KIAA1671: variants seen among roughly 807,000 people sequenced by gnomAD.
KIAA1671 encodes KIAA1671, also known as uncharacterized protein KIAA1671.
A neutral mutation model predicts 131.2 loss-of-function variants in KIAA1671; 52 were observed. That is an observed-to-expected ratio of 0.40 (90% CI 0.32 to 0.50). The LOEUF (loss-of-function observed/expected upper bound fraction) is 0.50, where lower values mean the gene tolerates loss of function less well. KIAA1671 is among the 20% of genes least tolerant of loss of function. The pLI, the probability that KIAA1671 is intolerant of heterozygous loss-of-function variation, is 0.73. For synonymous variants in KIAA1671, 1,003 were observed against 961.6 expected (o/e 1.04, Z -0.80); for missense variants, 2,360 against 2,364.2 (o/e 1.00, Z 0.04).
rs1404478334 is a variant in KIAA1671 at position 25,000,208 on chromosome 22, T to TAAA, written c.-207-25425_-207-25424insAAA. ...TGTTTTTTTTTTTTTTTTTTTTTTT[T>TAAA]TTTGAGACGGAGTCTCGCTCTGTCG... is the stretch of plus-strand genomic sequence containing the variant. On this transcript the variant is annotated intron_variant, in intron 1 of 12. Coordinates refer to ENST00000358431, the MANE Select transcript of KIAA1671 (RefSeq NM_001145206.2). 2.4e-3 allele frequency among the ~76,000 whole-genome samples: 199 copies of TAAA among 83,712 alleles called. 3 individuals carry two copies. Among genetic ancestry groups the TAAA allele is most frequent in the Non-Finnish European group, 4.1e-3 (164 of 40,442 alleles). The allele number at this position is 83,712 out of a possible 152,430, so 54.9% of individuals were successfully genotyped here. A position where few individuals can be genotyped will look rare whatever the true frequency, so the allele number is the denominator to read the frequency against.
intron 1 of KIAA1671, among the ~76,000 whole-genome samples, chr22:25,022,418 C>A (rs972455831): frequency 6.6e-6 from 1 of 152,152 alleles, no homozygotes; most frequent in African/African-American, 2.4e-5. Context: ...GTCCCCAGCA[C>A]CAAGTACAGA....
Position 24,952,961 on chromosome 22 carries a change from G to A in KIAA1671, c.-208+189G>A, listed in dbSNP as rs1001336920. On this transcript the variant is annotated intron_variant, in intron 1 of 12. Transcript: ENST00000358431. The surrounding 1 kb of genome is among the most constrained non-coding windows in gnomAD (Gnocchi z 4.5). ...GAGCCGGAGGATTTCCCCAGACTCCGGGTCTGCAGGGAGGGAGGATCCCGG... is the reference window on the plus strand; with the variant it reads ...GAGCCGGAGGATTTCCCCAGACTCCAGGTCTGCAGGGAGGGAGGATCCCGG... Among the ~76,000 whole-genome samples, 1 of 152,236 alleles carries A rather than the reference G, an allele frequency of 6.6e-6. No homozygotes were observed. The highest frequency in any genetic ancestry group is 2.4e-5 in the African/African-American group (1 of 41,470).
chr22:25,019,258 C>G (rs1602071353), intron 1 of KIAA1671, among the ~76,000 whole-genome samples: 1 of 152,276 alleles, frequency 6.6e-6, no homozygotes, highest in East Asian at 1.9e-4. Flanking sequence ...AGTCACAGCA[C>G]TCCTCCAGCC....
At chr22:25,152,057 C>T (rs921610993) in intron 6 of KIAA1671, among the ~76,000 whole-genome samples, 1 of 152,176 alleles carries the variant, frequency 6.6e-6, no homozygotes, top group African/African-American at 2.4e-5. Flanking sequence ...TGACTGACTT[C>T]CTGTGTCAGT....
chr22:25,077,725 T>G (rs970182732), intron 6 of KIAA1671, among the ~76,000 whole-genome samples: 6 of 152,116 alleles, frequency 3.9e-5, no homozygotes, highest in African/African-American at 1.4e-4. Flanking sequence ...ATCACTGTGG[T>G]TTTCATTGTG....
At chr22:25,134,940 C>T (rs1791077056) in intron 6 of KIAA1671, among the ~76,000 whole-genome samples, 1 of 152,212 alleles carries the variant, frequency 6.6e-6, no homozygotes, top group African/African-American at 2.4e-5. Flanking sequence ...ACGTAGCAGA[C>T]ACTCTATACA....
At chr22:25,133,829 C>T (rs544593095) in intron 6 of KIAA1671, among the ~76,000 whole-genome samples, 11 of 152,198 alleles carry the variant, frequency 7.2e-5, no homozygotes, top group South Asian at 2.1e-4. Context: ...ATTACAGGTG[C>T]GAGCCACCGC....
intron 6 of KIAA1671, among the ~76,000 whole-genome samples, chr22:25,155,257 T>C (rs924991188): frequency 6.6e-6 from 1 of 152,244 alleles, no homozygotes; most frequent in Non-Finnish European, 1.5e-5. Context: ...ACTGATAAGC[T>C]ATAGTTTAGG....
Position 25,049,345 on chromosome 22 carries a change from G to A in KIAA1671, c.4511G>A (p.Arg1504Lys). Reference protein sequence around the residue: ...PWRSHSFCKDRRSGPFVDQLK... With the variant: ...PWRSHSFCKDKRSGPFVDQLK... ...AGAAGCCACAGCTTCTGCAAAGACA[G>A]GAGGAGTGGGCCCTTTGTGGTGAGT... The change falls in exon 6 of 13, where the codon AGG becomes AAG. Residue 1504 changes from arginine (R) to lysine (K), a missense_variant. Around this residue, in one of 3 missense-constraint regions of KIAA1671, gnomAD observed 1,161 missense variants for 1,204.7 expected, o/e 0.96. Transcript: ENST00000358431. 6.4e-7 allele frequency: 1 copy of A among 1,551,220 alleles called. No individual in the cohort carries two copies. The highest frequency in any genetic ancestry group is 8.7e-7 in the Non-Finnish European group (1 of 1,146,546).
At chr22:25,129,252 C>T (rs1297963565) in intron 6 of KIAA1671, among the ~76,000 whole-genome samples, 1 of 152,162 alleles carries the variant, frequency 6.6e-6, no homozygotes, top group East Asian at 1.9e-4. Flanking sequence ...GGTATGTTGG[C>T]TCACGCCTGT....
intron 8 of KIAA1671, 53 bp from the exon 9 acceptor site, chr22:25,177,295 T>TC: frequency 2.7e-6 from 4 of 1,494,194 alleles, no homozygotes; most frequent in Non-Finnish European, 3.6e-6. Flanking sequence ...TGTGGTACCC[T>TC]CCATTGATGG....
At chr22:25,070,088 G>A (rs1355707799) in intron 6 of KIAA1671, 2 of 340,446 alleles carry the variant, frequency 5.9e-6, no homozygotes, top group African/African-American at 2.1e-5. Flanking sequence ...CAGGCAGCTG[G>A]GTTCAGAAGG....
intron 6 of KIAA1671, among the ~76,000 whole-genome samples, chr22:25,145,914 TG>T (rs1303408445): frequency 6.7e-6 from 1 of 149,498 alleles, no homozygotes; most frequent in African/African-American, 2.5e-5. Context: ...TACTCCAGCC[TG>T]GGCGACAGAA....
chr22:25,182,178 C>CAAAAAAA (rs750029304), intron 10 of KIAA1671, among the ~76,000 whole-genome samples: 3 of 67,166 alleles, frequency 4.5e-5, no homozygotes, highest in Non-Finnish European at 9.1e-5. Flanking sequence ...GACTCCATCT[C>CAAAAAAA]AAAAAAAAAA....
rs1468209534 is a variant in KIAA1671, at chr22:25,028,826, G to C, written c.827G>C (p.Trp276Ser). 4.5e-6 allele frequency: 7 copies of C among 1,550,822 alleles called. No individual in the cohort carries two copies. The Admixed American group carries it at 1.4e-4, about 30-fold the overall frequency. Residue 276 changes from tryptophan to serine, a missense_variant, in exon 3 of 13, where the codon TGG becomes TCG. By Grantham distance (177) the Trp-to-Ser change is radical. Transcript: ENST00000358431. ...KVPPTPPEKT[W>S]VRKPRPLSMD... ...CCACCCACCCCTCCCGAGAAGACGT[G>C]GGTGAGGAAGCCCAGGCCCTTGTCC...
intron 6 of KIAA1671, among the ~76,000 whole-genome samples, chr22:25,072,311 T>G (rs940906437): frequency 6.6e-6 from 1 of 152,138 alleles, no homozygotes; most frequent in African/African-American, 2.4e-5. Flanking sequence ...TGGGCAAGTC[T>G]TTTCCTCTCT....
chr22:24,981,805 G>T (rs547257845), intron 1 of KIAA1671, among the ~76,000 whole-genome samples: 8 of 152,324 alleles, frequency 5.3e-5, no homozygotes, highest in South Asian at 4.1e-4. Context: ...CTACTTGGGA[G>T]ACCAAGGTGG....
intron 6 of KIAA1671, among the ~76,000 whole-genome samples, chr22:25,096,193 C>T (rs184918194): frequency 1.7e-4 from 26 of 152,268 alleles, no homozygotes; most frequent in Admixed American, 1.2e-3. Context: ...ACCTGACACT[C>T]GACACACCAA....
At chr22:24,960,585 AGTGCAT>A (rs1356584770) in intron 1 of KIAA1671, among the ~76,000 whole-genome samples, 1 of 148,838 alleles carries the variant, frequency 6.7e-6, no homozygotes, top group Non-Finnish European at 1.5e-5. Flanking sequence ...AATAATTTCC[AGTGCAT>A]GAGGTGCTAT....
Sources: allele counts gnomAD v4.1 joint callset (sites outside exome capture counted in the v4.1 genomes callset), GRCh38; gene constraint gnomAD v4.1.1; regional missense constraint gnomAD v4.1.1; non-coding constraint Gnocchi (gnomAD v3.1); transcripts MANE v1.5; gene names NCBI Gene and HGNC (gene_info 2026-07-23, HGNC 2026-07-21).